LRP12: variants seen among roughly 807,000 people sequenced by gnomAD.
LRP12 encodes the protein LDL receptor related protein 12.
A neutral mutation model predicts 66.0 loss-of-function variants in LRP12; 14 were observed. The ratio of observed to expected loss-of-function variants is 0.21; its 90% CI spans 0.14 to 0.33. The LOEUF (loss-of-function observed/expected upper bound fraction) is 0.33. Ranked by LOEUF, LRP12 falls within the 10% of genes least tolerant of loss-of-function variation. The pLI is 1.00. For synonymous variants in LRP12, 357 were observed against 359.1 expected (o/e 0.99, Z 0.07); for missense variants, 889 against 1,053.4 (o/e 0.84, Z 2.16).
At chr8:104,522,172 G>T (rs1219981599) in intron 2 of LRP12, among the ~76,000 whole-genome samples, 1 of 151,900 alleles carries the variant, frequency 6.6e-6, no homozygotes, top group Non-Finnish European at 1.5e-5. Context: ...TTTTAATTTA[G>T]TACTCTCCAT....
At chr8:104,498,913 G>A (rs1024922276) in intron 4 of LRP12, among the ~76,000 whole-genome samples, 1 of 152,060 alleles carries the variant, frequency 6.6e-6, no homozygotes, top group Non-Finnish European at 1.5e-5. Context: ...AAAAGATGTC[G>A]TTTTTTCTGA....
intron 5 of LRP12, among the ~76,000 whole-genome samples, chr8:104,496,499 T>C (rs948528285): frequency 1.1e-4 from 16 of 152,212 alleles, no homozygotes; most frequent in African/African-American, 3.9e-4. Context: ...ACCATTTTGT[T>C]TCATAGCTCT....
chr8:104,532,373 T>TAA (rs34023849), intron 1 of LRP12, among the ~76,000 whole-genome samples: 3 of 131,104 alleles, frequency 2.3e-5, no homozygotes, highest in South Asian at 2.4e-4. Context: ...TGTTGGTACT[T>TAA]AAAAAAAAAA....
chr8:104,516,679 T>C (rs1250687812), intron 2 of LRP12, among the ~76,000 whole-genome samples: 1 of 152,128 alleles, frequency 6.6e-6, no homozygotes, highest in African/African-American at 2.4e-5. Context: ...ACTAGATTAA[T>C]GCATCATACT....
chr8:104,500,707 A>C (rs373114585), intron 3 of LRP12, among the ~76,000 whole-genome samples: 26 of 151,074 alleles, frequency 1.7e-4, no homozygotes, highest in African/African-American at 7.4e-5. Context: ...CGTCTCAAAC[A>C]AAACAAAACC....
chr8:104,569,781 C>T (rs1167328260), intron 1 of LRP12, among the ~76,000 whole-genome samples: 2 of 152,108 alleles, frequency 1.3e-5, no homozygotes, highest in East Asian at 3.9e-4. Context: ...CACTCCTACT[C>T]AGTGTACTAA....
At chr8:104,551,335 C>A (rs1317259458) in intron 1 of LRP12, among the ~76,000 whole-genome samples, 1 of 152,146 alleles carries the variant, frequency 6.6e-6, no homozygotes, top group Non-Finnish European at 1.5e-5. Flanking sequence ...ATTACTACCA[C>A]AATCCTCATC....
intron 2 of LRP12, among the ~76,000 whole-genome samples, chr8:104,513,274 T>C (rs1811023321): frequency 6.6e-6 from 1 of 152,252 alleles, no homozygotes; most frequent in African/African-American, 2.4e-5. Flanking sequence ...CTGTCTGTTC[T>C]ACCTGCCACT....
chr8:104,534,853 C>T (rs1486889750), intron 1 of LRP12, among the ~76,000 whole-genome samples: 3 of 151,780 alleles, frequency 2.0e-5, no homozygotes, highest in East Asian at 1.9e-4. Context: ...CAAAGAAAAT[C>T]GCTTTGTTAA....
At chr8:104,511,703 T>G (rs191968715) in intron 2 of LRP12, among the ~76,000 whole-genome samples, 1 of 152,118 alleles carries the variant, frequency 6.6e-6, no homozygotes, top group Non-Finnish European at 1.5e-5. Context: ...GAAGAAAACA[T>G]GCAATCAAAG....
At chr8:104,586,421 C>CTGCTTTTCT (rs1374400233) in intron 1 of LRP12, among the ~76,000 whole-genome samples, 19 of 152,202 alleles carry the variant, frequency 1.2e-4, no homozygotes, top group Non-Finnish European at 2.5e-4. Context: ...GCCAATCAAC[C>CTGCTTTTCT]TGCTTTTCTT....
chr8:104,582,187 G>A lies in LRP12; in HGVS notation c.79+6632C>T, dbSNP rs144153830. On this transcript the variant is annotated intron_variant, in intron 1 of 6. Coordinates refer to ENST00000276654, the MANE Select transcript of LRP12 (RefSeq NM_013437.5). The stretch of plus-strand genomic sequence containing the variant: ...AAACTGAAATGTAAGTGAATTAAAG[G>A]TAGGTATCAAGTTAGTCTCACTCAA... 7.9e-5 allele frequency among the ~76,000 whole-genome samples: 12 copies of A among 152,210 alleles called. No individual in the cohort carries two copies. In the East Asian group the frequency reaches 2.3e-3, roughly 29 times the overall value.
chr8:104,518,902 T>A (rs1050553535), intron 2 of LRP12, among the ~76,000 whole-genome samples: 1 of 152,016 alleles, frequency 6.6e-6, no homozygotes, highest in Non-Finnish European at 1.5e-5. Flanking sequence ...TTAAAGACAC[T>A]TAATAATGGA....
chr8:104,570,501 C>T (rs1391958130), intron 1 of LRP12, among the ~76,000 whole-genome samples: 3 of 152,114 alleles, frequency 2.0e-5, no homozygotes, highest in Non-Finnish European at 2.9e-5. Flanking sequence ...CTTTGATAAA[C>T]GTGCAAAGGC....
At chr8:104,585,798 A>G (rs950375349) in intron 1 of LRP12, among the ~76,000 whole-genome samples, 7 of 152,202 alleles carry the variant, frequency 4.6e-5, no homozygotes, top group East Asian at 1.9e-4. Flanking sequence ...AATCTGGGAG[A>G]CAAACAGAAG....
chr8:104,581,296 G>A (rs759737487), intron 1 of LRP12, among the ~76,000 whole-genome samples: 8 of 152,082 alleles, frequency 5.3e-5, no homozygotes, highest in African/African-American at 1.4e-4. Flanking sequence ...AGAAGGTGGC[G>A]GGTGGGACAA....
Position 104,588,961 on chromosome 8 carries a change from ACGACGCCGACGCCGCCGCCGC to A in LRP12, c.-85_-65del, listed in dbSNP as rs1286710465. The stretch of plus-strand genomic sequence containing the variant: ...AGGAGGGAGGAGAAGCTGGAGGTAG[ACGACGCCGACGCCGCCGCCGC>A]CGCCGCCGCCGCCGCCGAGCCACCG... On this transcript the variant is annotated 5_prime_UTR_variant, in exon 1 of 7. Coordinates refer to ENST00000276654, the MANE Select transcript of LRP12 (RefSeq NM_013437.5). 3.1e-6 allele frequency: 3 copies of A among 972,294 alleles called. No individual in the cohort carries two copies. The highest frequency in any genetic ancestry group is 7.9e-5 in the African/African-American group (2 of 25,216). 60.2% of individuals were successfully genotyped at this position (972,294 alleles called of 1,614,324 possible).
intron 1 of LRP12, among the ~76,000 whole-genome samples, chr8:104,540,477 T>TAAGG (rs1811458657): frequency 1.3e-5 from 2 of 152,174 alleles, no homozygotes. Flanking sequence ...AAAGGCTCCA[T>TAAGG]AATGTCTAAC....
chr8:104,556,780 A>G (rs1811815947), intron 1 of LRP12, among the ~76,000 whole-genome samples: 1 of 152,142 alleles, frequency 6.6e-6, no homozygotes, highest in Non-Finnish European at 1.5e-5. Context: ...CACCAGCATC[A>G]CCCTAATAAC....
Sources: gnomAD v4.1 joint callset for allele counts (sites outside exome capture counted in the v4.1 genomes callset) on GRCh38, gnomAD v4.1.1 for gene constraint, MANE v1.5 for transcripts, NCBI Gene and HGNC (gene_info 2026-07-23, HGNC 2026-07-21) for gene names.